The following PDE10A variants were observed in gnomAD, a reference collection of about 807,000 sequenced individuals.
PDE10A encodes cAMP and cAMP-inhibited cGMP 3',5'-cyclic phosphodiesterase 10A.
Under a neutral mutation model 97.7 loss-of-function variants are expected in PDE10A, and 39 were observed. That is an observed-to-expected ratio of 0.40 (90% confidence interval 0.31 to 0.52). PDE10A has a LOEUF of 0.52. PDE10A is among the 20% of genes least tolerant of loss of function. PDE10A has a pLI of 0.56. For missense variants in PDE10A, 731 were observed against 1,047.8 expected (o/e 0.70, Z 4.17); for synonymous variants, 371 against 376.8 (o/e 0.98, Z 0.18).
At chr6:165,698,629 C>G (rs892525081) in intron 1 of PDE10A, among the ~76,000 whole-genome samples, 1 of 152,172 alleles carries the variant, frequency 6.6e-6, no homozygotes, top group Non-Finnish European at 1.5e-5. Context: ...GTGGGTGGAT[C>G]ACCTGAGGTC....
chr6:165,352,483 A>G (rs1782753042), intron 18 of PDE10A, among the ~76,000 whole-genome samples: 2 of 152,220 alleles, frequency 1.3e-5, no homozygotes, highest in African/African-American at 4.8e-5. Context: ...ATATTACCAT[A>G]TATTAGCTAT....
At chr6:165,557,816 T>A (rs544049191) in intron 1 of PDE10A, among the ~76,000 whole-genome samples, 3 of 152,270 alleles carry the variant, frequency 2.0e-5, no homozygotes, top group South Asian at 4.1e-4. Flanking sequence ...TTAGGATGAA[T>A]AAGGGAACTC....
At chr6:165,385,318 T>C (rs772567274) in intron 17 of PDE10A, among the ~76,000 whole-genome samples, 1 of 150,960 alleles carries the variant, frequency 6.6e-6, no homozygotes, top group Admixed American at 6.6e-5. Context: ...ATAAGTATAA[T>C]ACCAAGCACA....
At chr6:165,793,104 C>T (rs1226323160) in intron 1 of PDE10A, among the ~76,000 whole-genome samples, 1 of 152,104 alleles carries the variant, frequency 6.6e-6, no homozygotes, top group Non-Finnish European at 1.5e-5. Context: ...TTTCATACAA[C>T]AGACTCTGAA....
rs538652235 is a variant in PDE10A, at chr6:165,671,589, A to G, written c.-614-128021T>C. ...AGGACCCAATTAATTCACTTCCATCACTACTCGTAGAAGCCCTTAGAGGCA... is the reference window on the plus strand; with the variant it reads ...AGGACCCAATTAATTCACTTCCATCGCTACTCGTAGAAGCCCTTAGAGGCA... On this transcript the variant is annotated intron_variant, in intron 1 of 19. Transcript: ENST00000366882. The surrounding 1 kb of genome is among the most constrained non-coding windows in gnomAD (Gnocchi z 4.6). 5.1e-4 allele frequency among the ~76,000 whole-genome samples: 77 copies of G among 152,196 alleles called. No homozygotes were observed. The highest frequency in any genetic ancestry group is 9.4e-4 in the Non-Finnish European group (64 of 68,012).
At chr6:165,893,726 T>C (rs950959701) in intron 1 of PDE10A, among the ~76,000 whole-genome samples, 2 of 152,124 alleles carry the variant, frequency 1.3e-5, no homozygotes, top group Non-Finnish European at 2.9e-5. Flanking sequence ...CCCTGCTAAA[T>C]ATATAGCAGG....
chr6:165,675,578 C>G (rs949230387), intron 1 of PDE10A, among the ~76,000 whole-genome samples: 1 of 152,082 alleles, frequency 6.6e-6, no homozygotes, highest in Non-Finnish European at 1.5e-5. Flanking sequence ...CAGAGAAAAT[C>G]TGAAAATGGA....
At chr6:165,776,951 G>A (rs12528059) in intron 1 of PDE10A, among the ~76,000 whole-genome samples, 9,624 of 152,256 alleles carry the variant, frequency 0.063, 426 homozygotes, top group Non-Finnish European at 0.092. Context: ...ACAGACACGT[G>A]CAACAAAATT....
At chr6:165,522,175 A>G (rs752367292) in intron 2 of PDE10A, among the ~76,000 whole-genome samples, 16 of 152,184 alleles carry the variant, frequency 1.1e-4, no homozygotes, top group Non-Finnish European at 1.9e-4. Flanking sequence ...ACCACAGAAA[A>G]GGTCCTGTGT....
intron 2 of PDE10A, among the ~76,000 whole-genome samples, chr6:165,499,359 A>G (rs908438199): frequency 6.6e-6 from 1 of 152,228 alleles, no homozygotes; most frequent in Non-Finnish European, 1.5e-5. Flanking sequence ...TTTATTTATT[A>G]TCAATACCAC....
chr6:165,818,368 C>G (rs925633355), intron 1 of PDE10A, among the ~76,000 whole-genome samples: 4 of 152,162 alleles, frequency 2.6e-5, no homozygotes, highest in African/African-American at 7.2e-5. Context: ...TTGGTTTCCT[C>G]TGTGCTAGTG....
chr6:165,869,629 G>A (rs1409511063), intron 1 of PDE10A, among the ~76,000 whole-genome samples: 1 of 152,066 alleles, frequency 6.6e-6, no homozygotes, highest in African/African-American at 2.4e-5. Context: ...AAAAGACCAT[G>A]AATAGCCAAA....
chr6:165,787,323 A>T (rs1778523399), intron 1 of PDE10A, among the ~76,000 whole-genome samples: 1 of 152,224 alleles, frequency 6.6e-6, no homozygotes, highest in Non-Finnish European at 1.5e-5. Context: ...AATGTTTTCC[A>T]GCATGAAGAA....
chr6:165,861,650 G>A (rs1045123731), intron 1 of PDE10A, among the ~76,000 whole-genome samples: 1 of 151,996 alleles, frequency 6.6e-6, no homozygotes, highest in African/African-American at 2.4e-5. Flanking sequence ...CTGGGAAGGG[G>A]AGCAGAGACC....
chr6:165,725,314 T>A (rs550530810), intron 1 of PDE10A, among the ~76,000 whole-genome samples: 7 of 152,236 alleles, frequency 4.6e-5, no homozygotes, highest in African/African-American at 1.7e-4. Flanking sequence ...CCACTGCAGA[T>A]GGCAAAACAA....
At chr6:165,549,666 G>A (rs1232391058) in intron 1 of PDE10A, among the ~76,000 whole-genome samples, 1 of 152,086 alleles carries the variant, frequency 6.6e-6, no homozygotes, top group Non-Finnish European at 1.5e-5. Flanking sequence ...TCAACTCTCT[G>A]TGGCTATGTC....
chr6:165,962,486 G>C (rs1269289791), intron 1 of PDE10A, among the ~76,000 whole-genome samples: 2 of 152,246 alleles, frequency 1.3e-5, no homozygotes, highest in African/African-American at 4.8e-5. Context: ...ATTCAGGTGG[G>C]AATGCACATT....
At chr6:165,966,221 G>T (rs1333534816) in intron 1 of PDE10A, among the ~76,000 whole-genome samples, 1 of 152,202 alleles carries the variant, frequency 6.6e-6, no homozygotes, top group Non-Finnish European at 1.5e-5. Context: ...TCCCCACAGG[G>T]CTCATAATGG....
intron 1 of PDE10A, among the ~76,000 whole-genome samples, chr6:165,937,295 A>G (rs547213555): frequency 2.6e-5 from 4 of 152,316 alleles, no homozygotes; most frequent in African/African-American, 7.2e-5. Flanking sequence ...TTTTTCCCCC[A>G]AAGTACAAGA....
Sources: gnomAD v4.1 joint callset for allele counts (sites outside exome capture counted in the v4.1 genomes callset) on GRCh38, gnomAD v4.1.1 for gene constraint, Gnocchi (gnomAD v3.1) non-coding constraint, MANE v1.5 for transcripts, NCBI Gene and HGNC (gene_info 2026-07-23, HGNC 2026-07-21) for gene names.